The following PRKCE variants were observed in gnomAD, a reference collection of about 807,000 sequenced individuals.
PRKCE encodes protein kinase C epsilon type.
In PRKCE, 16 loss-of-function variants were observed where a neutral mutation model predicts 85.4. The ratio of observed to expected loss-of-function variants is 0.19; its 90% CI spans 0.13 to 0.28. The LOEUF (loss-of-function observed/expected upper bound fraction) is 0.28. PRKCE is among the 10% of genes least tolerant of loss of function. The pLI is 1.00. For missense variants in PRKCE, 573 were observed against 975.2 expected (o/e 0.59, Z 5.49); for synonymous variants, 388 against 371.5 (o/e 1.04, Z -0.51).
At chr2:45,885,450 G>A (rs1449530492) in intron 2 of PRKCE, among the ~76,000 whole-genome samples, 2 of 152,178 alleles carry the variant, frequency 1.3e-5, no homozygotes, top group African/African-American at 2.4e-5. Context: ...GTCCTTGGAG[G>A]AAGCTGCTGC....
Position 46,068,860 on chromosome 2 carries a change from A to G in PRKCE, c.1438-17348A>G, listed in dbSNP as rs1667841171. On this transcript the variant is annotated intron_variant, in intron 10 of 14. Coordinates refer to ENST00000306156, the MANE Select transcript of PRKCE (RefSeq NM_005400.3). The surrounding 1 kb of genome is among the most constrained non-coding windows in gnomAD (Gnocchi z 4.3). ...GAGATACCAGATTGAAATTTAGATTACCACCAGACGACAGGAGCTGTGGTC... is the reference window on the plus strand; with the variant it reads ...GAGATACCAGATTGAAATTTAGATTGCCACCAGACGACAGGAGCTGTGGTC... 6.6e-6 allele frequency among the ~76,000 whole-genome samples: 1 copy of G among 152,192 alleles called. No individual in the cohort carries two copies. Among genetic ancestry groups the G allele is most frequent in the African/African-American group, 2.4e-5 (1 of 41,454 alleles).
Position 45,911,105 on chromosome 2 carries a change from C to G in PRKCE, c.413-65324C>G, listed in dbSNP as rs745605319. ...TGCAGGCCTTTGTTTCAAACCCTAG[C>G]AAAGGCTTGAGCATTCTGCATTTAC... On this transcript the variant is annotated intron_variant, in intron 2 of 14. Transcript: ENST00000306156. Among the ~76,000 whole-genome samples, 5 of 152,342 alleles carry G rather than the reference C, an allele frequency of 3.3e-5. No homozygotes were observed. The East Asian group carries it at 9.6e-4, about 29-fold the overall frequency.
chr2:45,695,542 G>A (rs1678074732), intron 1 of PRKCE, among the ~76,000 whole-genome samples: 2 of 152,218 alleles, frequency 1.3e-5, no homozygotes, highest in South Asian at 4.1e-4. Context: ...GGAGGCTGAG[G>A]TGGGTGGATC....
intron 2 of PRKCE, among the ~76,000 whole-genome samples, chr2:45,890,441 G>A (rs536413298): frequency 3.9e-5 from 6 of 152,284 alleles, no homozygotes; most frequent in African/African-American, 1.4e-4. Context: ...TTGCGGTGGT[G>A]TGATCTCGGC....
At chr2:46,170,023 C>G (rs1678734889) in intron 14 of PRKCE, among the ~76,000 whole-genome samples, 1 of 152,178 alleles carries the variant, frequency 6.6e-6, no homozygotes, top group South Asian at 2.1e-4. Context: ...CCAGCCCCAG[C>G]CATGTGAGAG....
At chr2:45,957,802 C>T (rs1701071469) in intron 2 of PRKCE, among the ~76,000 whole-genome samples, 7 of 151,986 alleles carry the variant, frequency 4.6e-5, no homozygotes, top group Admixed American at 4.6e-4. Flanking sequence ...GCCCCGCATA[C>T]TTGGGAGGTT....
chr2:46,151,041 A>T lies in PRKCE; in HGVS notation c.1732A>T (p.Ile578Phe). 1 of 1,597,128 alleles carries T rather than the reference A, an allele frequency of 6.3e-7. No homozygotes were observed. The highest frequency in any genetic ancestry group is 8.5e-7 in the Non-Finnish European group (1 of 1,178,192). The part of the protein sequence containing the change: ...CGTPDYIAPE[I>F]LQELEYGPSV... The stretch of plus-strand genomic sequence containing the variant: ...CTGACATTGCTGGTTTCCTGAACAG[A>T]TCCTGCAGGAGTTGGAGTATGGCCC... The change falls in exon 13 of 15, where the codon ATC becomes TTC. Residue 578 changes from isoleucine (I) to phenylalanine (F), a missense_variant and splice_region_variant. By Grantham distance (21) the Ile-to-Phe change is conservative. Coordinates refer to ENST00000306156, the MANE Select transcript of PRKCE (RefSeq NM_005400.3).
intron 1 of PRKCE, among the ~76,000 whole-genome samples, chr2:45,760,775 C>T (rs1684403148): frequency 1.3e-5 from 2 of 152,102 alleles, no homozygotes; most frequent in African/African-American, 4.8e-5. Flanking sequence ...ATGTGGGTGC[C>T]CTCCTGCCCC....
At chr2:45,814,361 C>T (rs1184776586) in intron 1 of PRKCE, among the ~76,000 whole-genome samples, 1 of 152,184 alleles carries the variant, frequency 6.6e-6, no homozygotes, top group Non-Finnish European at 1.5e-5. Context: ...CAAGGGTCGT[C>T]GGGGGCTCTG....
chr2:46,155,586 G>T lies in PRKCE; in HGVS notation c.1921-4020G>T, dbSNP rs1677115473. Among the ~76,000 whole-genome samples the T allele has an allele frequency of 6.6e-6, 1 of 151,988 alleles. No individual in the cohort carries two copies. Among genetic ancestry groups the T allele is most frequent in the Non-Finnish European group, 1.5e-5 (1 of 68,000 alleles). On this transcript the variant is annotated intron_variant, in intron 13 of 14. Coordinates refer to ENST00000306156, the MANE Select transcript of PRKCE (RefSeq NM_005400.3). This position sits in a 1 kb window ranked among gnomAD's most constrained non-coding sequence, Gnocchi z 4.7. ...CACTTTCTCCCTTCAGCTGGCCAGG[G>T]GTCCCTCACATTCAGTATACTCCCA...
intron 1 of PRKCE, among the ~76,000 whole-genome samples, chr2:45,799,474 G>A (rs776557254): frequency 6.6e-6 from 1 of 152,162 alleles, no homozygotes; most frequent in Non-Finnish European, 1.5e-5. Context: ...GATTGCTTAA[G>A]CCCAGGAGTT....
chr2:45,755,032 G>T (rs1185593862), intron 1 of PRKCE, among the ~76,000 whole-genome samples: 5 of 152,202 alleles, frequency 3.3e-5, no homozygotes, highest in Non-Finnish European at 7.3e-5. Context: ...CAAGTAATGT[G>T]GCCGGGCCTT....
At chr2:45,988,853 A>G (rs568533774) in intron 6 of PRKCE, among the ~76,000 whole-genome samples, 6 of 152,058 alleles carry the variant, frequency 3.9e-5, no homozygotes, top group African/African-American at 1.4e-4. Context: ...GCCTTCTCCA[A>G]TCTCAGGTTC....
chr2:46,169,153 C>T (rs1678639056), intron 14 of PRKCE, among the ~76,000 whole-genome samples: 1 of 152,148 alleles, frequency 6.6e-6, no homozygotes, highest in South Asian at 2.1e-4. Flanking sequence ...TCTCCAGAGG[C>T]ATATATGTCA....
intron 2 of PRKCE, among the ~76,000 whole-genome samples, chr2:45,949,866 C>T (rs11884014): frequency 0.058 from 8,479 of 146,526 alleles, 542 homozygotes; most frequent in East Asian, 0.31. Context: ...TATTTGATAG[C>T]GAAGCCTTCA....
intron 1 of PRKCE, among the ~76,000 whole-genome samples, chr2:45,727,575 C>T (rs1285266681): frequency 1.3e-5 from 2 of 152,206 alleles, no homozygotes; most frequent in East Asian, 1.9e-4. Context: ...CCATCATTTG[C>T]TCCCTGATGC....
chr2:45,913,083 T>C (rs960195767), intron 2 of PRKCE, among the ~76,000 whole-genome samples: 1 of 152,232 alleles, frequency 6.6e-6, no homozygotes, highest in Non-Finnish European at 1.5e-5. Flanking sequence ...GGTGGTGTCT[T>C]GACTACTTTG....
chr2:45,998,709 G>T (rs2104707087), intron 6 of PRKCE, among the ~76,000 whole-genome samples: 1 of 152,122 alleles, frequency 6.6e-6, no homozygotes, highest in East Asian at 1.9e-4. Context: ...AGTTAGTACT[G>T]TTTTCTATTT....
intron 13 of PRKCE, among the ~76,000 whole-genome samples, chr2:46,156,035 A>AAT (rs976372642): frequency 4.1e-5 from 6 of 147,080 alleles, no homozygotes; most frequent in Admixed American, 7.1e-5. Context: ...GTACAAAAAA[A>AAT]AATAATAAAA....
Sources: gnomAD v4.1 joint callset for allele counts (sites outside exome capture counted in the v4.1 genomes callset) on GRCh38, gnomAD v4.1.1 for gene constraint, Gnocchi (gnomAD v3.1) non-coding constraint, MANE v1.5 for transcripts, NCBI Gene and HGNC (gene_info 2026-07-23, HGNC 2026-07-21) for gene names.